The following OR13G1 variants were observed in gnomAD, a reference collection of about 807,000 sequenced individuals.
OR13G1 encodes olfactory receptor family 13 subfamily G member 1.
For synonymous variants in OR13G1, 128 were observed against 136.2 expected, an observed-to-expected ratio of 0.94 and a Z score of 0.42; for missense variants, 369 against 385.7, an observed-to-expected ratio of 0.96 and a Z score of 0.36.
intron 1 of OR13G1, among the ~76,000 whole-genome samples, chr1:247,678,755 G>A (rs1572442177): frequency 6.6e-6 from 1 of 152,120 alleles, no homozygotes; most frequent in Non-Finnish European, 1.5e-5. Flanking sequence ...AAAAGGTGGC[G>A]GAGATTAAGG....
chr1:247,671,960 G>C lies in OR13G1; in HGVS notation c.*158C>G. Reference sequence around the variant, plus strand: ...GCTTTATGAATATTCTTCACATAAAGAGTACAGAATTTTGGAGACAATGAG... The same window carrying C: ...GCTTTATGAATATTCTTCACATAAACAGTACAGAATTTTGGAGACAATGAG... On this transcript the variant is annotated 3_prime_UTR_variant, in exon 2 of 2. Coordinates refer to ENST00000642119, the MANE Select transcript of OR13G1 (RefSeq NM_001005487.2). 1 of 598,250 alleles carries C rather than the reference G, an allele frequency of 1.7e-6. No homozygotes were observed. The highest frequency in any genetic ancestry group is 2.9e-6 in the Non-Finnish European group (1 of 340,360). The allele number at this position is 598,250 out of a possible 1,614,324, so 37.1% of individuals were successfully genotyped here. A position where few individuals can be genotyped will look rare whatever the true frequency, so the allele number is the denominator to read the frequency against.
chr1:247,678,859 A>G (rs1349841864), intron 1 of OR13G1, among the ~76,000 whole-genome samples: 3 of 152,138 alleles, frequency 2.0e-5, no homozygotes, highest in African/African-American at 7.2e-5. Flanking sequence ...TGCCACTGAA[A>G]GACCCACATC....
chr1:247,671,957 A>G lies in OR13G1; in HGVS notation c.*161T>C, dbSNP rs939411492. 6.7e-6 allele frequency: 4 copies of G among 597,250 alleles called. No homozygotes were observed. The highest frequency in any genetic ancestry group is 5.6e-5 in the African/African-American group (3 of 53,880). The allele number at this position is 597,250 out of a possible 1,614,324, so 37.0% of individuals were successfully genotyped here. On this transcript the variant is annotated 3_prime_UTR_variant, in exon 2 of 2. Coordinates refer to ENST00000642119, the MANE Select transcript of OR13G1 (RefSeq NM_001005487.2). ...ATTGCTTTATGAATATTCTTCACATAAAGAGTACAGAATTTTGGAGACAAT... is the reference window on the plus strand; with the variant it reads ...ATTGCTTTATGAATATTCTTCACATGAAGAGTACAGAATTTTGGAGACAAT...
At chr1:247,678,813 A>G (rs542967893) in intron 1 of OR13G1, among the ~76,000 whole-genome samples, 1 of 152,274 alleles carries the variant, frequency 6.6e-6, no homozygotes, top group Admixed American at 6.5e-5. Flanking sequence ...ACAAAGGATA[A>G]TCAACCACTT....
intron 1 of OR13G1, among the ~76,000 whole-genome samples, chr1:247,678,517 G>C (rs940120794): frequency 5.3e-5 from 8 of 152,170 alleles, no homozygotes; most frequent in African/African-American, 1.4e-4. Flanking sequence ...ACTTCTGTCA[G>C]ACAGTTTCAT....
chr1:247,673,237 T>C lies in OR13G1; in HGVS notation c.-196A>G. Reference sequence around the variant, plus strand: ...AGGCAATATACTCTGTTTTCCAGACTAATCCCATTCTCTGATGTATGTTCC... The same window carrying C: ...AGGCAATATACTCTGTTTTCCAGACCAATCCCATTCTCTGATGTATGTTCC... On this transcript the variant is annotated 5_prime_UTR_variant, in exon 2 of 2. Coordinates refer to ENST00000642119, the MANE Select transcript of OR13G1 (RefSeq NM_001005487.2). The C allele has an allele frequency of 1.8e-6, 1 of 554,618 alleles. No individual in the cohort carries two copies. Among genetic ancestry groups the C allele is most frequent in the Admixed American group, 3.5e-5 (1 of 28,558 alleles). 34.4% of individuals were successfully genotyped at this position (554,618 alleles called of 1,614,324 possible). A position where few individuals can be genotyped will look rare whatever the true frequency, so the allele number is the denominator to read the frequency against.
Position 247,671,920 on chromosome 1 carries a change from G to T in OR13G1, c.*198C>A. On this transcript the variant is annotated 3_prime_UTR_variant, in exon 2 of 2. Transcript: ENST00000642119. ...ATATTATGACATATATTTATGTGAG[G>T]GTATTGTGCATATTGCTTTATGAAT... The T allele has an allele frequency of 1.8e-6, 1 of 546,260 alleles. No individual in the cohort carries two copies. Among genetic ancestry groups the T allele is most frequent in the African/African-American group, 1.9e-5 (1 of 53,328 alleles). 33.8% of individuals were successfully genotyped at this position (546,260 alleles called of 1,614,324 possible).
intron 1 of OR13G1, among the ~76,000 whole-genome samples, chr1:247,675,125 C>T (rs962531315): frequency 1.2e-4 from 18 of 152,098 alleles, no homozygotes; most frequent in African/African-American, 3.4e-4. Flanking sequence ...ATAAATCTGA[C>T]GTCAAAGCTT....
In OR13G1 at chr1:247,672,600, T is replaced by C; in HGVS notation, c.442A>G (p.Ile148Val). The change falls in exon 2 of 2, where the codon ATT becomes GTT. Residue 148 changes from isoleucine (I) to valine (V), a missense_variant. Physicochemically the swap from Ile to Val is conservative, Grantham distance 29. Coordinates refer to ENST00000642119, the MANE Select transcript of OR13G1 (RefSeq NM_001005487.2). ...CVALLSMVMA[I>V]AVTNSWVHTA... The stretch of plus-strand genomic sequence containing the variant: ...TGCACCCAGGAATTGGTGACTGCAA[T>C]AGCCATGACCATGCTGAGCAAGGCT... The C allele has an allele frequency of 6.2e-7, 1 of 1,614,022 alleles. No individual in the cohort carries two copies. The highest frequency in any genetic ancestry group is 8.5e-7 in the Non-Finnish European group (1 of 1,179,978).
At chr1:247,676,742 AT>A (rs2103158828) in intron 1 of OR13G1, among the ~76,000 whole-genome samples, 1 of 152,316 alleles carries the variant, frequency 6.6e-6, no homozygotes, top group South Asian at 2.1e-4. Flanking sequence ...TGAGTGTGAT[AT>A]CTGAAACCCT....
chr1:247,677,858 A>T (rs1345698755), intron 1 of OR13G1, among the ~76,000 whole-genome samples: 1 of 152,194 alleles, frequency 6.6e-6, no homozygotes, highest in African/African-American at 2.4e-5. Flanking sequence ...TAATCCCAGC[A>T]CTTTGGGAGG....
rs1054962034 is a variant in OR13G1, at chr1:247,672,574, G to A, written c.468C>T (p.His156=). ...MAIAVTNSWV[H]TALIMRLTFC... ...AAGTCAACCTCATGATAAGAGCTGT[G>A]TGCACCCAGGAATTGGTGACTGCAA... The change falls in exon 2 of 2, where the codon CAC becomes CAT. Residue 156 remains histidine (H), a synonymous_variant. Coordinates refer to ENST00000642119, the MANE Select transcript of OR13G1 (RefSeq NM_001005487.2). The A allele has an allele frequency of 3.7e-6, 6 of 1,613,942 alleles. No homozygotes were observed. The African/African-American group carries it at 6.7e-5, about 18-fold the overall frequency.
In OR13G1 at chr1:247,672,860, A is replaced by G; in HGVS notation, c.182T>C (p.Leu61Pro). Residue 61 changes from leucine (L) to proline (P), a missense_variant, in exon 2 of 2, where the codon CTG (leucine) becomes CCG (proline). Physicochemically the swap from Leu to Pro is moderately conservative, Grantham distance 98. Transcript: ENST00000642119. Reference sequence around the variant, plus strand: ...GATGATGTCCACAACAGCCAGTGTCAGAAGGAAAACATACATGGGCGTATG... The same window carrying G: ...GATGATGTCCACAACAGCCAGTGTCGGAAGGAAAACATACATGGGCGTATG... Reference protein sequence around the residue: ...TLHTPMYVFLLTLAVVDIICT... With the variant: ...TLHTPMYVFLPTLAVVDIICT... 5 of 1,614,108 alleles carry G rather than the reference A, an allele frequency of 3.1e-6. No homozygotes were observed. Among genetic ancestry groups the G allele is most frequent in the Non-Finnish European group, 4.2e-6 (5 of 1,180,000 alleles).
chr1:247,675,026 G>A (rs1659315124), intron 1 of OR13G1, among the ~76,000 whole-genome samples: 1 of 152,132 alleles, frequency 6.6e-6, no homozygotes, highest in Admixed American at 6.5e-5. Flanking sequence ...GATCTGAACT[G>A]AAGTGATATT....
Position 247,672,545 on chromosome 1 carries a change from C to T in OR13G1, c.497G>A (p.Cys166Tyr), listed in dbSNP as rs1558292748. 2 of 1,613,960 alleles carry T rather than the reference C, an allele frequency of 1.2e-6. No individual in the cohort carries two copies. Among genetic ancestry groups the T allele is most frequent in the African/African-American group, 1.3e-5 (1 of 74,916 alleles). ...HTALIMRLTFCGPNTIDHFFC... is the reference protein window; with the variant it reads ...HTALIMRLTFYGPNTIDHFFC... ...GAAGTGGTCAATGGTGTTTGGCCCACAGAAAGTCAACCTCATGATAAGAGC... is the reference window on the plus strand; with the variant it reads ...GAAGTGGTCAATGGTGTTTGGCCCATAGAAAGTCAACCTCATGATAAGAGC... Residue 166 changes from cysteine to tyrosine, a missense_variant, in exon 2 of 2, where the codon TGT (cysteine) becomes TAT (tyrosine). Coordinates refer to ENST00000642119, the MANE Select transcript of OR13G1 (RefSeq NM_001005487.2).
chr1:247,675,636 C>T (rs1215137535), intron 1 of OR13G1, among the ~76,000 whole-genome samples: 1 of 152,138 alleles, frequency 6.6e-6, no homozygotes, highest in East Asian at 1.9e-4. Flanking sequence ...CACTGTGACA[C>T]AGTTCACTGT....
intron 1 of OR13G1, among the ~76,000 whole-genome samples, chr1:247,678,418 G>T (rs1659394535): frequency 6.6e-6 from 1 of 152,178 alleles, no homozygotes; most frequent in South Asian, 2.1e-4. Context: ...GTTGTCTAAG[G>T]CAAGGTACTA....
At chr1:247,674,095 A>C (rs1463963779) in intron 1 of OR13G1, among the ~76,000 whole-genome samples, 3 of 152,112 alleles carry the variant, frequency 2.0e-5, no homozygotes, top group Admixed American at 6.6e-5. Flanking sequence ...GCTGGTCTCA[A>C]ACTCCTGACC....
chr1:247,676,439 G>T (rs1034389933), intron 1 of OR13G1, among the ~76,000 whole-genome samples: 1 of 151,602 alleles, frequency 6.6e-6, no homozygotes, highest in Non-Finnish European at 1.5e-5. Context: ...TTGGGTTAGG[G>T]CAATAAAAGA....
Sources: gnomAD v4.1 joint callset for allele counts (sites outside exome capture counted in the v4.1 genomes callset) on GRCh38, gnomAD v4.1.1 for gene constraint, MANE v1.5 for transcripts, NCBI Gene and HGNC (gene_info 2026-07-23, HGNC 2026-07-21) for gene names.